EPHA6: variants seen among roughly 807,000 people sequenced by gnomAD.
EPHA6 encodes the protein EPH receptor A6.
A neutral mutation model predicts 112.0 loss-of-function variants in EPHA6; 50 were observed. That is an observed-to-expected ratio of 0.45 (90% CI 0.36 to 0.56). The LOEUF is 0.56. Among genes scored for constraint, EPHA6 ranks in the 20% least tolerant of loss-of-function variants. The probability of loss-of-function intolerance (pLI) is 0.00; values close to 1 mark genes in which losing one functional copy is unlikely to be tolerated. For missense variants in EPHA6, 1,280 were observed against 1,417.4 expected (o/e 0.90, Z 1.56); for synonymous variants, 529 against 490.7 (o/e 1.08, Z -1.03).
intron 14 of EPHA6, among the ~76,000 whole-genome samples, chr3:97,706,856 G>A (rs1453481794): frequency 6.6e-6 from 1 of 151,086 alleles, no homozygotes; most frequent in East Asian, 1.9e-4. Context: ...CCTCTGTGCT[G>A]TTATTATTTA....
At chr3:96,872,655 C>T (rs2036697633) in intron 2 of EPHA6, among the ~76,000 whole-genome samples, 4 of 152,008 alleles carry the variant, frequency 2.6e-5, no homozygotes, top group Admixed American at 2.6e-4. Flanking sequence ...ATATTTCACT[C>T]CACTGTTATT....
In EPHA6 at chr3:97,295,909, T is replaced by A. The variant is rs115871302; in HGVS notation, c.1606+51622T>A. ...TGGGCCAATGTTCAGGCCCCAGTGG[T>A]GGCAGCAGTGGGCCAATCATGCCTA... On this transcript the variant is annotated intron_variant, in intron 5 of 17. Transcript: ENST00000389672. Among the ~76,000 whole-genome samples, 371 of 152,232 alleles carry A rather than the reference T, an allele frequency of 2.4e-3. 3 individuals carry two copies. Among genetic ancestry groups the A allele is most frequent in the African/African-American group, 8.4e-3 (351 of 41,556 alleles).
intron 3 of EPHA6, among the ~76,000 whole-genome samples, chr3:97,126,289 A>T (rs528192872): frequency 3.3e-5 from 5 of 152,180 alleles, no homozygotes; most frequent in Non-Finnish European, 7.3e-5. Flanking sequence ...CTCAGAATCC[A>T]CAACATGCAC....
At chr3:96,900,443 C>CT (rs367607388) in intron 2 of EPHA6, among the ~76,000 whole-genome samples, 1 of 152,102 alleles carries the variant, frequency 6.6e-6, no homozygotes, top group Non-Finnish European at 1.5e-5. Context: ...GCATACATAT[C>CT]TTTTTTCCCA....
chr3:96,890,594 T>G (rs892966821), intron 2 of EPHA6, among the ~76,000 whole-genome samples: 1 of 152,198 alleles, frequency 6.6e-6, no homozygotes, highest in Admixed American at 6.5e-5. Flanking sequence ...ATTGTTATCA[T>G]GAATATATTG....
intron 3 of EPHA6, among the ~76,000 whole-genome samples, chr3:96,999,845 G>A (rs2107897287): frequency 6.6e-6 from 1 of 152,004 alleles, no homozygotes; most frequent in South Asian, 2.1e-4. Flanking sequence ...GATGACAGAA[G>A]AATCTCACAG....
intron 9 of EPHA6, among the ~76,000 whole-genome samples, chr3:97,483,201 G>A (rs887529761): frequency 3.3e-5 from 5 of 152,206 alleles, no homozygotes; most frequent in Admixed American, 3.3e-4. Flanking sequence ...ACACATTAAT[G>A]TTTTCTAGCC....
chr3:97,704,405 C>A (rs1002843966), intron 14 of EPHA6, among the ~76,000 whole-genome samples: 1 of 152,132 alleles, frequency 6.6e-6, no homozygotes, highest in East Asian at 1.9e-4. Context: ...CCTGGGATAT[C>A]CATCTTTTCC....
At chr3:96,858,876 C>A (rs1408634390) in intron 1 of EPHA6, among the ~76,000 whole-genome samples, 3 of 152,104 alleles carry the variant, frequency 2.0e-5, no homozygotes, top group African/African-American at 7.2e-5. Flanking sequence ...ATAACCCATT[C>A]TGTGCTCAAA....
At chr3:96,997,601 G>A (rs577581872) in intron 3 of EPHA6, among the ~76,000 whole-genome samples, 28 of 152,028 alleles carry the variant, frequency 1.8e-4, no homozygotes, top group African/African-American at 6.3e-4. Context: ...AAGTTTTCTG[G>A]CTTATGTGAG....
intron 5 of EPHA6, among the ~76,000 whole-genome samples, chr3:97,320,412 G>A (rs747828339): frequency 6.6e-6 from 1 of 151,740 alleles, no homozygotes; most frequent in Non-Finnish European, 1.5e-5. Flanking sequence ...GTAATTGGGG[G>A]TCTGAAATAC....
intron 5 of EPHA6, among the ~76,000 whole-genome samples, chr3:97,378,012 A>G (rs2085469412): frequency 6.6e-6 from 1 of 152,214 alleles, no homozygotes; most frequent in African/African-American, 2.4e-5. Flanking sequence ...ATTAATCCCC[A>G]AGACAATGGG....
intron 13 of EPHA6, among the ~76,000 whole-genome samples, chr3:97,616,363 G>A (rs1467372836): frequency 3.3e-5 from 5 of 152,170 alleles, no homozygotes; most frequent in Non-Finnish European, 4.4e-5. Context: ...AAAAGCCAGA[G>A]TGTCCTCTTT....
intron 2 of EPHA6, among the ~76,000 whole-genome samples, chr3:96,904,006 G>A (rs577470532): frequency 1.6e-4 from 25 of 152,162 alleles, no homozygotes; most frequent in Non-Finnish European, 3.5e-4. Context: ...TACAGTGTTG[G>A]TGGGACTGTA....
chr3:97,089,611 A>G (rs1000652204), intron 3 of EPHA6, among the ~76,000 whole-genome samples: 44 of 152,294 alleles, frequency 2.9e-4, no homozygotes, highest in African/African-American at 1.0e-3. Context: ...ACTCAAACAA[A>G]TAGAAATCAA....
chr3:97,385,294 C>A (rs2085993690), intron 5 of EPHA6, among the ~76,000 whole-genome samples: 2 of 152,244 alleles, frequency 1.3e-5, no homozygotes, highest in East Asian at 1.9e-4. Flanking sequence ...CACATTTGAA[C>A]CAAGTCACTC....
intron 3 of EPHA6, among the ~76,000 whole-genome samples, chr3:97,011,791 C>G (rs1009693893): frequency 1.3e-5 from 2 of 152,132 alleles, no homozygotes; most frequent in African/African-American, 4.8e-5. Flanking sequence ...ACCCTTATCC[C>G]CCACCCGGCT....
chr3:97,139,871 A>G (rs9830743), intron 3 of EPHA6, among the ~76,000 whole-genome samples: 33,118 of 152,084 alleles, frequency 0.22, 3,759 homozygotes, highest in Middle Eastern at 0.28. Flanking sequence ...TCCAAATATG[A>G]ATTGTAAGGA....
chr3:97,383,392 C>A (rs1197517256), intron 5 of EPHA6, among the ~76,000 whole-genome samples: 1 of 151,946 alleles, frequency 6.6e-6, no homozygotes, highest in Non-Finnish European at 1.5e-5. Context: ...AGAATTAAAA[C>A]AAGTAAAATG....
Sources: allele counts gnomAD v4.1 joint callset (sites outside exome capture counted in the v4.1 genomes callset), GRCh38; gene constraint gnomAD v4.1.1; transcripts MANE v1.5; gene names NCBI Gene and HGNC (gene_info 2026-07-23, HGNC 2026-07-21).